The following TTLL7 variants were observed in gnomAD, a reference collection of about 807,000 sequenced individuals.
TTLL7 encodes tubulin polyglutamylase TTLL7.
In TTLL7, 53 loss-of-function variants were observed where a neutral mutation model predicts 120.2. The ratio of observed to expected loss-of-function variants is 0.44; its 90% confidence interval spans 0.35 to 0.55. The LOEUF is 0.55. TTLL7 is among the 20% of genes least tolerant of loss of function. The pLI is 0.00. For synonymous variants in TTLL7, 353 were observed against 351.7 expected (o/e 1.00, Z -0.04); for missense variants, 803 against 1,054.7 (o/e 0.76, Z 3.31).
At chr1:83,917,488 G>C in intron 14 of TTLL7, 116 bp downstream of exon 14, 1 of 696,322 alleles carries the variant, frequency 1.4e-6, no homozygotes, top group South Asian at 2.0e-5. Context: ...CCTGCACTGG[G>C]CACACAGTCC....
intron 18 of TTLL7, among the ~76,000 whole-genome samples, chr1:83,893,850 G>T (rs1557573833): frequency 6.6e-6 from 1 of 151,996 alleles, no homozygotes; most frequent in Non-Finnish European, 1.5e-5. Flanking sequence ...TGTCCTAGGG[G>T]AAGGGGCAGG....
intron 17 of TTLL7, among the ~76,000 whole-genome samples, chr1:83,905,322 G>C (rs1301456916): frequency 6.6e-6 from 1 of 151,662 alleles, no homozygotes; most frequent in East Asian, 1.9e-4. Flanking sequence ...GCTTATGACT[G>C]TGTCATCAGT....
At chr1:83,913,980 A>C (rs1377298653) in intron 14 of TTLL7, among the ~76,000 whole-genome samples, 1 of 152,236 alleles carries the variant, frequency 6.6e-6, no homozygotes, top group Non-Finnish European at 1.5e-5. Flanking sequence ...CAAAGCTTAG[A>C]AACTTCCCAG....
At chr1:83,879,598 T>G (rs1296377572) in intron 20 of TTLL7, among the ~76,000 whole-genome samples, 1 of 152,038 alleles carries the variant, frequency 6.6e-6, no homozygotes, top group Non-Finnish European at 1.5e-5. Flanking sequence ...AAAACTCACT[T>G]GGCTCACAGC....
At chr1:83,886,102 G>A (rs1219357432) in intron 19 of TTLL7, among the ~76,000 whole-genome samples, 1 of 152,018 alleles carries the variant, frequency 6.6e-6, no homozygotes, top group Non-Finnish European at 1.5e-5. Flanking sequence ...ACAAAGGAGA[G>A]TTATTCATGA....
intron 20 of TTLL7, chr1:83,879,825 TGGTC>T (rs1309916866): frequency 6.6e-6 from 1 of 151,984 alleles, no homozygotes; most frequent in Non-Finnish European, 1.5e-5. Flanking sequence ...CAAGATTCCG[TGGTC>T]GGAAATCTCT....
intron 19 of TTLL7, chr1:83,887,128 C>A: frequency 1.5e-6 from 1 of 656,200 alleles, no homozygotes; most frequent in South Asian, 3.2e-5. Flanking sequence ...CCACAAAGAT[C>A]TACATTACTC....
chr1:83,904,844 T>A (rs996200792), intron 17 of TTLL7, among the ~76,000 whole-genome samples: 1 of 152,090 alleles, frequency 6.6e-6, no homozygotes, highest in African/African-American at 2.4e-5. Context: ...GCAAAACTTC[T>A]GAATATATAG....
At chr1:83,971,895 T>C (rs1183383980) in intron 1 of TTLL7, among the ~76,000 whole-genome samples, 3 of 151,118 alleles carry the variant, frequency 2.0e-5, no homozygotes, top group Non-Finnish European at 4.5e-5. Flanking sequence ...CTCCAGTTCC[T>C]AACTGTTTTC....
chr1:83,953,294 G>T (rs1649229516), intron 1 of TTLL7, among the ~76,000 whole-genome samples: 1 of 152,000 alleles, frequency 6.6e-6, no homozygotes, highest in South Asian at 2.1e-4. Flanking sequence ...TCTCCTTATT[G>T]TAAGAATCCT....
At chr1:83,990,616 TA>T (rs756949427) in intron 1 of TTLL7, among the ~76,000 whole-genome samples, 1 of 152,246 alleles carries the variant, frequency 6.6e-6, no homozygotes, top group African/African-American at 2.4e-5. Flanking sequence ...CCAATGTTAC[TA>T]ATCATAAGAG....
chr1:83,889,521 T>G (rs1655265630), intron 19 of TTLL7, among the ~76,000 whole-genome samples: 1 of 152,122 alleles, frequency 6.6e-6, no homozygotes. Context: ...TTAGCACCTA[T>G]CTGTGCCTCA....
rs1271137988 is a variant in TTLL7 at position 83,892,621 on chromosome 1, TATGAACATATGA to T, written c.2209-2152_2209-2141del. ...GAATGAACATATATATGAACATATA[TATGAACATATGA>T]ATGAACATATATATGAACATATGAA... On this transcript the variant is annotated intron_variant, in intron 18 of 20. Coordinates refer to ENST00000260505, the MANE Select transcript of TTLL7 (RefSeq NM_024686.6). Among the ~76,000 whole-genome samples, 172 of 144,354 alleles carry T rather than the reference TATGAACATATGA, an allele frequency of 1.2e-3. 4 individuals carry two copies. Among genetic ancestry groups the T allele is most frequent in the African/African-American group, 4.1e-3 (161 of 38,986 alleles). 94.7% of individuals were successfully genotyped at this position (144,354 alleles called of 152,430 possible).
intron 18 of TTLL7, among the ~76,000 whole-genome samples, chr1:83,898,592 G>A (rs1251074381): frequency 2.6e-5 from 4 of 151,296 alleles, no homozygotes; most frequent in African/African-American, 7.3e-5. Flanking sequence ...TTTTTTCAAC[G>A]CACTTTGACT....
intron 20 of TTLL7, among the ~76,000 whole-genome samples, chr1:83,882,054 C>T (rs180903608): frequency 0.017 from 2,195 of 126,826 alleles, 24 homozygotes; most frequent in Admixed American, 0.034. Context: ...CACATGGACA[C>T]AGGAAGGGGA....
intron 16 of TTLL7, among the ~76,000 whole-genome samples, chr1:83,906,683 C>G (rs1405311035): frequency 6.6e-6 from 1 of 151,984 alleles, no homozygotes; most frequent in Non-Finnish European, 1.5e-5. Flanking sequence ...ACTTATTTAG[C>G]TCAAAGTACT....
At chr1:83,885,268 T>A (rs1654884073) in intron 19 of TTLL7, among the ~76,000 whole-genome samples, 1 of 152,004 alleles carries the variant, frequency 6.6e-6, no homozygotes, top group Non-Finnish European at 1.5e-5. Context: ...TCTACCTCCA[T>A]CACCACCCTC....
intron 1 of TTLL7, among the ~76,000 whole-genome samples, chr1:83,961,829 T>C (rs1650043211): frequency 6.6e-6 from 1 of 152,150 alleles, no homozygotes; most frequent in African/African-American, 2.4e-5. Flanking sequence ...ATCAGTTAAC[T>C]TTTGCATATC....
rs550205981 is a variant in TTLL7, at chr1:83,910,516, C to T, written c.1786+649G>A. Among the ~76,000 whole-genome samples the T allele has an allele frequency of 5.2e-4, 79 of 151,464 alleles. 1 individual carries two copies. The highest frequency in any genetic ancestry group is 6.8e-3 in the Middle Eastern group (2 of 292). ...TGCACATTTGGAATTGAAGAACAAA[C>T]GAAAGAAGAGCCAAAGGAAGAGAGA... On this transcript the variant is annotated intron_variant, in intron 15 of 20. Coordinates refer to ENST00000260505, the MANE Select transcript of TTLL7 (RefSeq NM_024686.6).
Sources: allele counts gnomAD v4.1 joint callset (sites outside exome capture counted in the v4.1 genomes callset), GRCh38; gene constraint gnomAD v4.1.1; transcripts MANE v1.5; gene names NCBI Gene and HGNC (gene_info 2026-07-23, HGNC 2026-07-21).